The following RASAL2 variants were observed in gnomAD, a reference collection of about 807,000 sequenced individuals.
RASAL2 encodes the protein ras GTPase-activating protein nGAP.
In RASAL2, 58 loss-of-function variants were observed where a neutral mutation model predicts 128.9. The ratio of observed to expected loss-of-function variants is 0.45; its 90% CI spans 0.36 to 0.56. RASAL2 has a LOEUF of 0.56. RASAL2 is among the 20% of genes least tolerant of loss of function. The pLI is 0.00. For missense variants in RASAL2, 1,360 were observed against 1,601.6 expected (o/e 0.85, Z 2.57); for synonymous variants, 561 against 580.8 (o/e 0.97, Z 0.49).
chr1:178,184,151 T>C (rs948826193), intron 1 of RASAL2, among the ~76,000 whole-genome samples: 38 of 152,202 alleles, frequency 2.5e-4, no homozygotes, highest in Non-Finnish European at 4.7e-4. Flanking sequence ...TTGAGTTATC[T>C]GTTTTTATAT....
chr1:178,310,095 G>A (rs969864365), intron 3 of RASAL2, among the ~76,000 whole-genome samples: 1 of 152,100 alleles, frequency 6.6e-6, no homozygotes, highest in Non-Finnish European at 1.5e-5. Flanking sequence ...TTATTCCCAA[G>A]ACATTGTTAG....
intron 1 of RASAL2, among the ~76,000 whole-genome samples, chr1:178,281,655 G>A (rs1008552926): frequency 5.3e-5 from 8 of 152,066 alleles, no homozygotes; most frequent in African/African-American, 1.9e-4. Context: ...ATATAATAAA[G>A]CTAGTTATTT....
At chr1:178,416,616 A>AC (rs1674775901) in intron 4 of RASAL2, among the ~76,000 whole-genome samples, 1 of 151,988 alleles carries the variant, frequency 6.6e-6, no homozygotes. Context: ...TCTCTAAGGA[A>AC]CTTCTTTAAA....
intron 1 of RASAL2, among the ~76,000 whole-genome samples, chr1:178,187,864 C>T (rs1337574198): frequency 2.6e-5 from 4 of 152,130 alleles, no homozygotes; most frequent in Non-Finnish European, 5.9e-5. Flanking sequence ...GTTCTTCCAT[C>T]TTGGCCTCTC....
intron 3 of RASAL2, among the ~76,000 whole-genome samples, chr1:178,336,591 G>A (rs1363833136): frequency 6.6e-6 from 1 of 151,748 alleles, no homozygotes; most frequent in Non-Finnish European, 1.5e-5. Flanking sequence ...TTATGTGTGT[G>A]TATGTATATG....
chr1:178,313,145 A>G (rs1017654404), intron 3 of RASAL2, among the ~76,000 whole-genome samples: 3 of 152,178 alleles, frequency 2.0e-5, no homozygotes, highest in Non-Finnish European at 2.9e-5. Context: ...AATAACGTAC[A>G]TAGTCATAAT....
intron 3 of RASAL2, among the ~76,000 whole-genome samples, chr1:178,378,533 A>C (rs914980617): frequency 3.0e-4 from 45 of 152,268 alleles, no homozygotes; most frequent in African/African-American, 1.1e-3. Context: ...AAAACTGGCA[A>C]TAGACCAGGT....
intron 1 of RASAL2, among the ~76,000 whole-genome samples, chr1:178,136,516 G>A (rs2102319161): frequency 6.6e-6 from 1 of 152,182 alleles, no homozygotes; most frequent in South Asian, 2.1e-4. Context: ...AGCACTTTGG[G>A]AGGCTGAGGC....
chr1:178,323,108 T>C (rs1025438122), intron 3 of RASAL2, among the ~76,000 whole-genome samples: 1 of 151,054 alleles, frequency 6.6e-6, no homozygotes, highest in Non-Finnish European at 1.5e-5. Context: ...CAGAATTCAT[T>C]AGCATTTTTG....
intron 3 of RASAL2, among the ~76,000 whole-genome samples, chr1:178,383,049 G>A (rs1672368020): frequency 6.6e-6 from 1 of 151,874 alleles, no homozygotes; most frequent in East Asian, 1.9e-4. Context: ...CTTGGCTGGG[G>A]AAAAAAATTG....
intron 1 of RASAL2, among the ~76,000 whole-genome samples, chr1:178,212,060 A>T (rs907356186): frequency 6.6e-6 from 1 of 152,106 alleles, no homozygotes; most frequent in Non-Finnish European, 1.5e-5. Context: ...TAAAATGAGG[A>T]GGTATAGTAT....
chr1:178,197,017 C>T (rs1662679446), intron 1 of RASAL2, among the ~76,000 whole-genome samples: 1 of 152,134 alleles, frequency 6.6e-6, no homozygotes, highest in African/African-American at 2.4e-5. Flanking sequence ...TTGACATTAC[C>T]TATTAAACAT....
At chr1:178,396,161 A>G (rs1009267125) in intron 4 of RASAL2, among the ~76,000 whole-genome samples, 1 of 152,118 alleles carries the variant, frequency 6.6e-6, no homozygotes, top group African/African-American at 2.4e-5. Flanking sequence ...GAATTAAAGA[A>G]TGAGGGAAGC....
chr1:178,123,726 G>A (rs184220472), intron 1 of RASAL2: 1 of 152,396 alleles, frequency 6.6e-6, no homozygotes, highest in East Asian at 1.9e-4. Flanking sequence ...CAGGCGGAAT[G>A]CAGTGGTACA....
At chr1:178,330,479 G>A (rs972292448) in intron 3 of RASAL2, among the ~76,000 whole-genome samples, 28 of 152,082 alleles carry the variant, frequency 1.8e-4, no homozygotes, top group African/African-American at 6.8e-4. Flanking sequence ...TCTGTGGATG[G>A]AACAAAAGAC....
At chr1:178,158,229 TGTGCA>T (rs1180682147) in intron 1 of RASAL2, among the ~76,000 whole-genome samples, 6 of 152,246 alleles carry the variant, frequency 3.9e-5, no homozygotes, top group African/African-American at 1.2e-4. Flanking sequence ...GAACGGAGGA[TGTGCA>T]TCATAGTATA....
At chr1:178,380,862 G>A (rs904925492) in intron 3 of RASAL2, among the ~76,000 whole-genome samples, 1 of 152,064 alleles carries the variant, frequency 6.6e-6, no homozygotes, top group Non-Finnish European at 1.5e-5. Context: ...TATTAGTCAG[G>A]AATATAGTTT....
intron 1 of RASAL2, among the ~76,000 whole-genome samples, chr1:178,186,776 A>T (rs1662316736): frequency 6.6e-6 from 1 of 151,648 alleles, no homozygotes; most frequent in Non-Finnish European, 1.5e-5. Flanking sequence ...TTTAGTTCAA[A>T]TTTCAAAAAC....
chr1:178,202,389 T>G (rs1407193170), intron 1 of RASAL2, among the ~76,000 whole-genome samples: 1 of 152,168 alleles, frequency 6.6e-6, no homozygotes, highest in Non-Finnish European at 1.5e-5. Flanking sequence ...GACTAAGGCC[T>G]GGTTCACAGA....
Sources: gnomAD v4.1 joint callset for allele counts (sites outside exome capture counted in the v4.1 genomes callset) on GRCh38, gnomAD v4.1.1 for gene constraint, MANE v1.5 for transcripts, NCBI Gene and HGNC (gene_info 2026-07-23, HGNC 2026-07-21) for gene names.